The following SLC2A7 variants were observed in gnomAD, a reference collection of about 807,000 sequenced individuals.
SLC2A7 encodes solute carrier family 2, facilitated glucose transporter member 7.
Under a neutral mutation model 50.5 loss-of-function variants are expected in SLC2A7, and 50 were observed. The ratio of observed to expected loss-of-function variants is 0.99; its 90% CI spans 0.79 to 1.25. The LOEUF (loss-of-function observed/expected upper bound fraction) is 1.25. Among genes scored for constraint, SLC2A7 ranks in the 50% most tolerant of loss-of-function variants. SLC2A7 has a pLI of 0.00. For missense variants in SLC2A7, 683 were observed against 679.1 expected, an observed-to-expected ratio of 1.01 and a Z score of -0.06; for synonymous variants, 308 against 300.4, an observed-to-expected ratio of 1.03 and a Z score of -0.26.
Position 9,024,973 on chromosome 1 carries a change from C to CACCTTGTGCCA in SLC2A7, c.150+2_150+3insTGGCACAAGGT. On this transcript the variant is annotated splice_region_variant and intron_variant, in intron 2 of 11. Coordinates refer to ENST00000400906, the MANE Select transcript of SLC2A7 (RefSeq NM_207420.3). ...GCCCACCTTGTGCCCACCTTGTGCC[C>CACCTTGTGCCA]ACCTTGTGCGGCGTGTTGACCACAG... is the stretch of plus-strand genomic sequence containing the variant. 6.2e-7 allele frequency: 1 copy of CACCTTGTGCCA among 1,613,770 alleles called. No homozygotes were observed. Among genetic ancestry groups the CACCTTGTGCCA allele is most frequent in the South Asian group, 1.1e-5 (1 of 91,078 alleles).
At chr1:9,014,267 G>A (rs767116978) in intron 7 of SLC2A7, among the ~76,000 whole-genome samples, 30 of 152,228 alleles carry the variant, frequency 2.0e-4, no homozygotes, top group Non-Finnish European at 3.7e-4. Flanking sequence ...TACAGTTACA[G>A]CCAAAGAGCC....
At chr1:9,023,832 CTT>C (rs1557653843) in intron 2 of SLC2A7, among the ~76,000 whole-genome samples, 1 of 35,232 alleles carries the variant, frequency 2.8e-5, no homozygotes, top group Non-Finnish European at 4.9e-5. Context: ...AGGAAATATT[CTT>C]CTTCTTTTTT....
intron 9 of SLC2A7, 25 bp from the exon 10 acceptor site, chr1:9,007,410 G>C: frequency 6.2e-7 from 1 of 1,613,102 alleles, no homozygotes; most frequent in Non-Finnish European, 8.5e-7. Context: ...AGGGCTGTCT[G>C]GGCTGAGGCC....
chr1:9,006,091 C>T (rs1401454076), intron 10 of SLC2A7, among the ~76,000 whole-genome samples: 4 of 152,208 alleles, frequency 2.6e-5, no homozygotes, highest in Admixed American at 2.0e-4. Context: ...CTGATCACCC[C>T]GTTCTTGGAG....
chr1:9,025,015 C>T lies in SLC2A7; in HGVS notation c.111G>A (p.Gln37=), dbSNP rs369581065. Residue 37 remains glutamine (Q), a synonymous_variant, in exon 2 of 12, where the codon CAG becomes CAA. Coordinates refer to ENST00000400906, the MANE Select transcript of SLC2A7 (RefSeq NM_207420.3). ...TGACCACAGAGAGGTTGTAGCCGTA[C>T]TGGAAGGCTGAGCCAAAGGCCGCGC... ...TLSAAFGSAF[Q]YGYNLSVVNT... The T allele has an allele frequency of 3.1e-6, 5 of 1,614,034 alleles. No homozygotes were observed. In the African/African-American group the frequency reaches 5.3e-5, roughly 17 times the overall value.
At chr1:9,014,999 C>A in intron 6 of SLC2A7, 118 bp downstream of exon 6, 2 of 1,522,434 alleles carry the variant, frequency 1.3e-6, no homozygotes, top group Non-Finnish European at 1.8e-6. Flanking sequence ...CCCCCCCACC[C>A]CGTTCAGCTC....
At position 9,018,232 on chromosome 1, in the gene SLC2A7, T is replaced by A; in HGVS notation, c.580A>T (p.Asn194Tyr). 6.2e-7 allele frequency: 1 copy of A among 1,614,098 alleles called. No homozygotes were observed. The highest frequency in any genetic ancestry group is 8.5e-7 in the Non-Finnish European group (1 of 1,179,994). ...QIFSLQAILG[N>Y]PAGWPVLLAL... ...TGCGGCTGCCGGTTACCTGCCGGGT[T>A]GCCCAAGATGGCCTGGAGGCTGAAG... Residue 194 changes from asparagine (N) to tyrosine (Y), a missense_variant, in exon 5 of 12, where the codon AAC becomes TAC. Physicochemically the swap from Asn to Tyr is moderately radical, Grantham distance 143. Coordinates refer to ENST00000400906, the MANE Select transcript of SLC2A7 (RefSeq NM_207420.3).
chr1:9,020,567 C>A (rs1041586839), intron 3 of SLC2A7, among the ~76,000 whole-genome samples: 2 of 150,416 alleles, frequency 1.3e-5, no homozygotes, highest in Middle Eastern at 6.3e-3. Context: ...CCCACCCCCC[C>A]GCCTTTGGCT....
chr1:9,005,842 A>G (rs1265759286), intron 10 of SLC2A7, among the ~76,000 whole-genome samples: 5 of 151,792 alleles, frequency 3.3e-5, no homozygotes, highest in African/African-American at 4.8e-5. Flanking sequence ...CTCTGGATGG[A>G]CATGGAGAAG....
Position 9,007,976 on chromosome 1 carries a change from T to C in SLC2A7, c.1117-591A>G, listed in dbSNP as rs1640682084. 1.3e-5 allele frequency among the ~76,000 whole-genome samples: 2 copies of C among 152,002 alleles called. 1 individual carries two copies. The highest frequency in any genetic ancestry group is 4.1e-4 in the South Asian group (2 of 4,826). On this transcript the variant is annotated intron_variant, in intron 9 of 11. Coordinates refer to ENST00000400906, the MANE Select transcript of SLC2A7 (RefSeq NM_207420.3). ...GAATACAGACCATGAGGAACCTTAGTCCCTCAGGGATCAAGCAGTGGCTGA... is the reference window on the plus strand; with the variant it reads ...GAATACAGACCATGAGGAACCTTAGCCCCTCAGGGATCAAGCAGTGGCTGA...
At chr1:9,025,639 CA>C (rs1180445646) in intron 1 of SLC2A7, among the ~76,000 whole-genome samples, 1 of 152,136 alleles carries the variant, frequency 6.6e-6, no homozygotes, top group African/African-American at 2.4e-5. Context: ...GCATCCCAGA[CA>C]GAGGGACTCA....
intron 10 of SLC2A7, among the ~76,000 whole-genome samples, chr1:9,006,055 C>T (rs1640648956): frequency 6.6e-6 from 1 of 152,158 alleles, no homozygotes; most frequent in South Asian, 2.1e-4. Context: ...TCAGCCCATG[C>T]TCTGACCTCG....
the SLC2A7 span, among the ~76,000 whole-genome samples, chr1:8,995,131 A>G: frequency 6.6e-6 from 1 of 150,986 alleles, no homozygotes; most frequent in Non-Finnish European, 1.5e-5. Flanking sequence ...ACGCCAAAAG[A>G]CAGTGTGGCT....
intron 7 of SLC2A7, among the ~76,000 whole-genome samples, chr1:9,014,168 C>T (rs1640791120): frequency 6.6e-6 from 1 of 152,254 alleles, no homozygotes; most frequent in Non-Finnish European, 1.5e-5. Context: ...CTCTTCCCGA[C>T]ACGCCACTGG....
At chr1:9,021,956 CA>C (rs376902674) in intron 3 of SLC2A7, among the ~76,000 whole-genome samples, 14 of 142,368 alleles carry the variant, frequency 9.8e-5, no homozygotes, top group African/African-American at 1.3e-4. Context: ...TCTGGATGAC[CA>C]AAAAAAAAAG....
chr1:9,007,572 A>G (rs1280043549), intron 9 of SLC2A7, among the ~76,000 whole-genome samples, 187 bp from the exon 10 acceptor site: 2 of 152,184 alleles, frequency 1.3e-5, no homozygotes, highest in Non-Finnish European at 2.9e-5. Flanking sequence ...GTAGCCTCCC[A>G]CAGGGCTCCC....
chr1:9,003,314 C>A lies in SLC2A7; in HGVS notation c.1525G>T (p.Glu509Ter). 6.2e-7 allele frequency: 1 copy of A among 1,614,196 alleles called. No individual in the cohort carries two copies. Among genetic ancestry groups the A allele is most frequent in the Non-Finnish European group, 8.5e-7 (1 of 1,180,032 alleles). Residue 509 changes from glutamate (E) to a stop codon, truncating the protein, a stop_gained, in exon 12 of 12, where the codon GAA becomes TAA. Coordinates refer to ENST00000400906, the MANE Select transcript of SLC2A7 (RefSeq NM_207420.3). LOFTEE classifies it high-confidence loss of function. ...AGPPTASPAKETSF is the reference protein window; with the variant it reads ...AGPPTASPAK ...ATGCAGGGCCACTAAAAGGAAGTTT[C>A]CTTGGCAGGAGAGGCTGTGGGAGGC... is the stretch of plus-strand genomic sequence containing the variant.
intron 2 of SLC2A7, 112 bp downstream of exon 2, chr1:9,024,864 G>A: frequency 8.4e-7 from 1 of 1,195,762 alleles, no homozygotes; most frequent in Non-Finnish European, 1.2e-6. Flanking sequence ...AGGCAAGATG[G>A]TGCCTCCTAC....
intron 5 of SLC2A7, 60 bp downstream of exon 5, chr1:9,018,155 CGTCAGTAA>C (rs2124258970): frequency 6.3e-7 from 1 of 1,597,144 alleles, no homozygotes; most frequent in South Asian, 1.1e-5. Context: ...TGACTCGATC[CGTCAGTAA>C]CACCTGGCAC....
Sources: allele counts gnomAD v4.1 joint callset (sites outside exome capture counted in the v4.1 genomes callset), GRCh38; gene constraint gnomAD v4.1.1; transcripts MANE v1.5; gene names NCBI Gene and HGNC (gene_info 2026-07-23, HGNC 2026-07-21).